Variants in INPPL1 observed in about 807,000 individuals in gnomAD.
INPPL1 encodes the protein inositol polyphosphate phosphatase like 1.
In INPPL1, 91 loss-of-function variants were observed where a neutral mutation model predicts 139.3. That is an observed-to-expected ratio of 0.65 (90% CI 0.55 to 0.78). The LOEUF (loss-of-function observed/expected upper bound fraction) is 0.78, where lower values mean the gene tolerates loss of function less well. Among genes scored for constraint, INPPL1 ranks in the 30% least tolerant of loss-of-function variants. The probability of loss-of-function intolerance (pLI) is 0.00; values close to 1 mark genes in which losing one functional copy is unlikely to be tolerated. For missense variants in INPPL1, 1,411 were observed against 1,665.6 expected, an observed-to-expected ratio of 0.85 and a Z score of 2.66; for synonymous variants, 719 against 686.6, an observed-to-expected ratio of 1.05 and a Z score of -0.74.
Position 72,237,203 on chromosome 11 carries a change from T to A in INPPL1, c.2959T>A (p.Tyr987Asn). The change falls in exon 26 of 28, where the codon TAC becomes AAC. Residue 987 changes from tyrosine (Y) to asparagine (N), a missense_variant. Physicochemically the swap from Tyr to Asn is moderately radical, Grantham distance 143. Around this residue, in one of 5 missense-constraint regions of INPPL1, gnomAD observed 438 missense variants for 425.7 expected, o/e 1.03. Transcript: ENST00000298229. ...PKNSFNNPAY[Y>N]VLEGVPHQLL... The stretch of plus-strand genomic sequence containing the variant: ...GAACAGCTTCAATAACCCTGCCTAC[T>A]ACGTCCTTGAAGGGGTCCCGCACCA... 1 of 1,613,950 alleles carries A rather than the reference T, an allele frequency of 6.2e-7. No homozygotes were observed. The highest frequency in any genetic ancestry group is 8.5e-7 in the Non-Finnish European group (1 of 1,179,982).
Position 72,233,675 on chromosome 11 carries a change from A to G in INPPL1, c.2143A>G (p.Thr715Ala), listed in dbSNP as rs756630957. ...CCCAGGTTGCACTGATGACATCGTC[A>G]CCAGCGACCATTCCCCCGTGTTTGG... ...NSYGCTDDIV[T>A]SDHSPVFGTF... The change falls in exon 19 of 28, where the codon ACC (threonine) becomes GCC (alanine). Residue 715 changes from threonine (T) to alanine (A), a missense_variant. Physicochemically the swap from Thr to Ala is moderately conservative, Grantham distance 58. This residue lies in a region of INPPL1 where 363 missense variants were observed against 446.2 expected (regional missense o/e 0.81). Transcript: ENST00000298229. The G allele has an allele frequency of 6.2e-7, 1 of 1,613,982 alleles. No individual in the cohort carries two copies. Among genetic ancestry groups the G allele is most frequent in the Admixed American group, 1.7e-5 (1 of 59,988 alleles).
At chr11:72,224,213 A>G (rs1418864769), upstream of INPPL1, among the ~76,000 whole-genome samples, 1 of 151,812 alleles carries the variant, frequency 6.6e-6, no homozygotes, top group Admixed American at 6.6e-5. Context: ...CTGGTTAGCC[A>G]GGGAATCTCC....
chr11:72,232,768 C>A lies in INPPL1; in HGVS notation c.1851+4C>A. On this transcript the variant is annotated splice_donor_region_variant and intron_variant, in intron 15 of 27. Transcript: ENST00000298229. ...CCGCCTGGACATGGATATCCAGGTGCGAGCAGGGCCCTGCCATGGCTGTAG... is the reference window on the plus strand; with the variant it reads ...CCGCCTGGACATGGATATCCAGGTGAGAGCAGGGCCCTGCCATGGCTGTAG... 6.2e-7 allele frequency: 1 copy of A among 1,613,976 alleles called. No homozygotes were observed. Among genetic ancestry groups the A allele is most frequent in the Non-Finnish European group, 8.5e-7 (1 of 1,179,980 alleles).
chr11:72,234,510 T>TCC lies in INPPL1; in HGVS notation c.2327-15_2327-14dup. 6.3e-7 allele frequency: 1 copy of TCC among 1,588,424 alleles called. No individual in the cohort carries two copies. Among genetic ancestry groups the TCC allele is most frequent in the Non-Finnish European group, 8.6e-7 (1 of 1,156,826 alleles). The stretch of plus-strand genomic sequence containing the variant: ...GAGAGGTGGTGCTCAGTTGGGTGTC[T>TCC]CCCACCCCCACCCCAGAATACAAGA... On this transcript the variant is annotated splice_polypyrimidine_tract_variant and intron_variant, in intron 20 of 27. Transcript: ENST00000298229. The surrounding 1 kb of genome is among the most constrained non-coding windows in gnomAD (Gnocchi z 4.2).
rs1369693322 is a variant in INPPL1 at position 72,232,897 on chromosome 11, G to A, written c.1874G>A (p.Arg625Lys). Reference protein sequence around the residue: ...DIQEILNYISRKEFEPLLRVD... With the variant: ...DIQEILNYISKKEFEPLLRVD... ...CAGGAGATCCTGAACTACATCAGCA[G>A]GAAAGAGTTTGAGCCCCTCCTCAGG... The change falls in exon 16 of 28, where the codon AGG becomes AAG. Residue 625 changes from arginine (R) to lysine (K), a missense_variant. Physicochemically the swap from Arg to Lys is conservative, Grantham distance 26 (BLOSUM62 2). Transcript: ENST00000298229. 3 of 1,614,020 alleles carry A rather than the reference G, an allele frequency of 1.9e-6. No homozygotes were observed. Among genetic ancestry groups the A allele is most frequent in the Non-Finnish European group, 2.5e-6 (3 of 1,180,016 alleles).
chr11:72,228,935 C>G lies in INPPL1; in HGVS notation c.518+88C>G. 1 of 1,521,968 alleles carries G rather than the reference C, an allele frequency of 6.6e-7. No homozygotes were observed. Among genetic ancestry groups the G allele is most frequent in the South Asian group, 1.3e-5 (1 of 77,060 alleles). 94.3% of individuals were successfully genotyped at this position (1,521,968 alleles called of 1,614,324 possible). On this transcript the variant is annotated intron_variant, in intron 4 of 27. Coordinates refer to ENST00000298229, the MANE Select transcript of INPPL1 (RefSeq NM_001567.4). This position sits in a 1 kb window ranked among gnomAD's most constrained non-coding sequence, Gnocchi z 5.0. ...CCAAAGGTGGGGAGGCCTTCTAAGA[C>G]CCCACCAGGGACCCCCACCCCACCT...
chr11:72,235,930 G>C lies in INPPL1; in HGVS notation c.2823G>C (p.Thr941=). ...AAGAACCAGAGAAACCGCCACCAAC[G>C]GGGAGGCCCCCAGCCCCACCCCGAG... The part of the protein sequence containing the change: ...LFEEPEKPPP[T]GRPPAPPRAA... Residue 941 remains threonine (T), a synonymous_variant, in exon 25 of 28, where the codon ACG becomes ACC. Coordinates refer to ENST00000298229, the MANE Select transcript of INPPL1 (RefSeq NM_001567.4). This position sits in a 1 kb window ranked among gnomAD's most constrained non-coding sequence, Gnocchi z 4.9. The C allele has an allele frequency of 6.2e-7, 1 of 1,612,664 alleles. No homozygotes were observed. The highest frequency in any genetic ancestry group is 8.5e-7 in the Non-Finnish European group (1 of 1,179,624).
Position 72,225,164 on chromosome 11 carries a change from C to G in INPPL1, c.180C>G (p.Val60=). The part of the protein sequence containing the change: ...ESVAGAFALC[V]LYQKHVHTYR... ...TGGCGGGGGCCTTCGCGCTCTGCGTCCTGTGAGTGGGGCGGGGGCTCCTTG... is the reference window on the plus strand; with the variant it reads ...TGGCGGGGGCCTTCGCGCTCTGCGTGCTGTGAGTGGGGCGGGGGCTCCTTG... Residue 60 remains valine (V), a splice_region_variant and synonymous_variant, in exon 1 of 28, where the codon GTC becomes GTG. Coordinates refer to ENST00000298229, the MANE Select transcript of INPPL1 (RefSeq NM_001567.4). 8 of 1,230,442 alleles carry G rather than the reference C, an allele frequency of 6.5e-6. No individual in the cohort carries two copies. The highest frequency in any genetic ancestry group is 8.1e-6 in the Non-Finnish European group (8 of 986,852). The allele number at this position is 1,230,442 out of a possible 1,614,324, so 76.2% of individuals were successfully genotyped here.
intron 13 of INPPL1, 63 bp downstream of exon 13, chr11:72,231,678 T>A: frequency 8.3e-7 from 1 of 1,204,386 alleles, no homozygotes; most frequent in East Asian, 2.3e-5. Flanking sequence ...TTCTGCTTCC[T>A]CTCAAGCCTA....
At position 72,235,673 on chromosome 11, in the gene INPPL1, A is replaced by G. The variant is rs2135442169; in HGVS notation, c.2660-2A>G. 6.2e-7 allele frequency: 1 copy of G among 1,614,024 alleles called. No homozygotes were observed. The highest frequency in any genetic ancestry group is 8.5e-7 in the Non-Finnish European group (1 of 1,179,950). On this transcript the variant is annotated splice_acceptor_variant, in intron 23 of 27. Coordinates refer to ENST00000298229, the MANE Select transcript of INPPL1 (RefSeq NM_001567.4). LOFTEE classifies it high-confidence loss of function. This position sits in a 1 kb window ranked among gnomAD's most constrained non-coding sequence, Gnocchi z 4.9. The stretch of plus-strand genomic sequence containing the variant: ...TCTGAGTCTCCCTTCCTGCCCCCTC[A>G]GAGTGGATCAGCATTGATAAGGATG...
intron 19 of INPPL1, among the ~76,000 whole-genome samples, chr11:72,233,954 G>A (rs1171427833): frequency 2.0e-5 from 3 of 152,188 alleles, no homozygotes; most frequent in South Asian, 4.1e-4. Context: ...GTGTGCATAC[G>A]TGAGTGTACA....
intron 17 of INPPL1, 37 bp downstream of exon 17, chr11:72,233,200 C>T (rs1409606305): frequency 6.4e-7 from 1 of 1,570,864 alleles, no homozygotes; most frequent in Non-Finnish European, 8.7e-7. Flanking sequence ...TGGGGGACCG[C>T]AGGCCTGCGA....
At chr11:72,238,225 C>T (rs753612220) in intron 27 of INPPL1, 38 bp from the exon 28 acceptor site, 2 of 1,613,438 alleles carry the variant, frequency 1.2e-6, no homozygotes, top group Non-Finnish European at 1.7e-6. Flanking sequence ...TCAGGATCCC[C>T]TTGCCCATCT....
rs1454021636 is a variant in INPPL1, at chr11:72,239,078, G to A, written c.*725G>A. ...GCAGTCGTAAGGGTTGCGGCGTGAT[G>A]TCTTCAATAAATTAAGTTTTATTTG... On this transcript the variant is annotated 3_prime_UTR_variant, in exon 28 of 28. Transcript: ENST00000298229. 3.3e-5 allele frequency: 5 copies of A among 152,186 alleles called. No individual in the cohort carries two copies. Among genetic ancestry groups the A allele is most frequent in the African/African-American group, 1.2e-4 (5 of 41,404 alleles). The allele number at this position is 152,186 out of a possible 1,614,324, so 9.4% of individuals were successfully genotyped here.
Position 72,224,995 on chromosome 11 carries a change from C to G in INPPL1, c.11C>G (p.Ala4Gly). 8.4e-7 allele frequency: 1 copy of G among 1,191,858 alleles called. No homozygotes were observed. Among genetic ancestry groups the G allele is most frequent in the Non-Finnish European group, 1.0e-6 (1 of 962,610 alleles). The allele number at this position is 1,191,858 out of a possible 1,614,324, so 73.8% of individuals were successfully genotyped here. Reference sequence around the variant, plus strand: ...AGCCCTGCGCGGGCCATGGCCTCGGCCTGCGGGGCGCCGGGCCCGGGGGGC... The same window carrying G: ...AGCCCTGCGCGGGCCATGGCCTCGGGCTGCGGGGCGCCGGGCCCGGGGGGC... The part of the protein sequence containing the change: MAS[A>G]CGAPGPGGAL... Residue 4 changes from alanine to glycine, a missense_variant, in exon 1 of 28, where the codon GCC becomes GGC. This residue lies in a region of INPPL1 where 504 missense variants were observed against 595.6 expected (regional missense o/e 0.85). Coordinates refer to ENST00000298229, the MANE Select transcript of INPPL1 (RefSeq NM_001567.4).
intron 25 of INPPL1, 68 bp from the exon 26 acceptor site, chr11:72,237,056 C>G: frequency 7.1e-7 from 1 of 1,408,276 alleles, no homozygotes; most frequent in Non-Finnish European, 9.6e-7. Context: ...AGTTCTCCTT[C>G]CACTGCTTCC....
In INPPL1 at chr11:72,229,649, C is replaced by T. The variant is rs1455156727; in HGVS notation, c.754-14C>T. On this transcript the variant is annotated splice_polypyrimidine_tract_variant and intron_variant, in intron 6 of 27. Transcript: ENST00000298229. Reference sequence around the variant, plus strand: ...AGGTGACTCATGTACAAGCCTGGTTCTTCCTCCCCCCAGAACCTGCCACAG... The same window carrying T: ...AGGTGACTCATGTACAAGCCTGGTTTTTCCTCCCCCCAGAACCTGCCACAG... The T allele has an allele frequency of 3.1e-6, 5 of 1,613,700 alleles. No individual in the cohort carries two copies. Among genetic ancestry groups the T allele is most frequent in the Non-Finnish European group, 4.2e-6 (5 of 1,179,720 alleles).
In INPPL1 at chr11:72,238,391, T is replaced by A. The variant is rs1357875224; in HGVS notation, c.*38T>A. The A allele has an allele frequency of 2.0e-6, 3 of 1,490,268 alleles. No homozygotes were observed. Among genetic ancestry groups the A allele is most frequent in the Admixed American group, 4.7e-5 (2 of 42,664 alleles). The allele number at this position is 1,490,268 out of a possible 1,614,324, so 92.3% of individuals were successfully genotyped here. A position where few individuals can be genotyped will look rare whatever the true frequency, so the allele number is the denominator to read the frequency against. On this transcript the variant is annotated 3_prime_UTR_variant, in exon 28 of 28. Coordinates refer to ENST00000298229, the MANE Select transcript of INPPL1 (RefSeq NM_001567.4). ...CACGAAGCTGTGAACTCAGAGCCCC[T>A]CCCTGCTACCAAGGCCCAGCTATGG...
chr11:72,237,093 C>G (rs1309151563), intron 25 of INPPL1, 31 bp from the exon 26 acceptor site: 1 of 1,541,358 alleles, frequency 6.5e-7, no homozygotes, highest in Non-Finnish European at 8.8e-7. Context: ...GTTCCTGGAT[C>G]CTGGCTTAGT....
Sources: gnomAD v4.1 joint callset for allele counts (sites outside exome capture counted in the v4.1 genomes callset) on GRCh38, gnomAD v4.1.1 for gene constraint, gnomAD v4.1.1 regional missense constraint, Gnocchi (gnomAD v3.1) non-coding constraint, MANE v1.5 for transcripts, NCBI Gene and HGNC (gene_info 2026-07-23, HGNC 2026-07-21) for gene names.